The following ATP10A variants were observed in gnomAD, a reference collection of about 807,000 sequenced individuals.
The protein encoded by ATP10A is ATPase phospholipid transporting 10A (putative).
ATP10A carries 111 observed loss-of-function variants against 147.8 expected under a neutral mutation model. The ratio of observed to expected loss-of-function variants is 0.75; its 90% CI spans 0.64 to 0.88. ATP10A has a LOEUF of 0.88. Ranked by LOEUF, ATP10A falls within the 40% of genes least tolerant of loss-of-function variation. ATP10A has a pLI of 0.00. For missense variants in ATP10A, 1,927 were observed against 1,959.0 expected (o/e 0.98, Z 0.31); for synonymous variants, 875 against 841.6 (o/e 1.04, Z -0.69).
At position 25,846,117 on chromosome 15, in the gene ATP10A, G is replaced by C. The variant is rs375109507; in HGVS notation, c.449+16531C>G. Among the ~76,000 whole-genome samples, 61 of 152,258 alleles carry C rather than the reference G, an allele frequency of 4.0e-4. No homozygotes were observed. The East Asian group carries it at 0.01, about 26-fold the overall frequency. On this transcript the variant is annotated intron_variant, in intron 1 of 20. Coordinates refer to ENST00000555815, the MANE Select transcript of ATP10A (RefSeq NM_024490.4). The stretch of plus-strand genomic sequence containing the variant: ...CACCCAGGGCAGTCCACTTCGTAGA[G>C]GCTGAATGCAGAACGGTTGTTGCCA...
intron 3 of ATP10A, among the ~76,000 whole-genome samples, chr15:25,735,021 G>C (rs1026630951): frequency 7.0e-5 from 9 of 129,090 alleles, no homozygotes; most frequent in African/African-American, 2.6e-4. Flanking sequence ...GGGTGGGGGG[G>C]TGGGGGAAGT....
At chr15:25,756,302 T>C (rs1223918780) in intron 2 of ATP10A, among the ~76,000 whole-genome samples, 1 of 152,256 alleles carries the variant, frequency 6.6e-6, no homozygotes, top group African/African-American at 2.4e-5. Flanking sequence ...GTGTATGTGA[T>C]ATTTCTCTGC....
chr15:25,812,266 G>A (rs1891467033), intron 1 of ATP10A, among the ~76,000 whole-genome samples: 1 of 152,150 alleles, frequency 6.6e-6, no homozygotes, highest in African/African-American at 2.4e-5. Context: ...TCAGGAAACA[G>A]GAACCTCTCA....
At chr15:25,787,787 A>C (rs1277089129) in intron 1 of ATP10A, among the ~76,000 whole-genome samples, 2 of 152,092 alleles carry the variant, frequency 1.3e-5, no homozygotes. Context: ...CTTGTCCAAG[A>C]TCAGGAGTCA....
chr15:25,738,333 C>T (rs541096028), intron 2 of ATP10A, among the ~76,000 whole-genome samples: 1 of 152,308 alleles, frequency 6.6e-6, no homozygotes, highest in East Asian at 1.9e-4. Context: ...ACACTAACTC[C>T]ATTCTTCTTA....
chr15:25,780,642 G>A (rs1265118878), intron 2 of ATP10A, among the ~76,000 whole-genome samples: 5 of 152,188 alleles, frequency 3.3e-5, no homozygotes, highest in Admixed American at 1.3e-4. Context: ...ATGTTCCTGA[G>A]CATCCTGGTG....
chr15:25,685,157 T>C (rs1899641517), intron 16 of ATP10A, among the ~76,000 whole-genome samples: 1 of 152,190 alleles, frequency 6.6e-6, no homozygotes, highest in Admixed American at 6.5e-5. Flanking sequence ...CCACTGTTGT[T>C]ATGGAAACCT....
chr15:25,718,142 A>G, intron 8 of ATP10A, 40 bp downstream of exon 8: 1 of 1,585,976 alleles, frequency 6.3e-7, no homozygotes, highest in Non-Finnish European at 8.6e-7. Flanking sequence ...AATGGGGAAG[A>G]GACGTGGCAG....
chr15:25,722,564 G>C (rs1567332949), intron 6 of ATP10A, among the ~76,000 whole-genome samples: 1 of 152,212 alleles, frequency 6.6e-6, no homozygotes, highest in East Asian at 1.9e-4. Flanking sequence ...AATGTTTACA[G>C]ACTCAGAATA....
chr15:25,784,241 A>G (rs4906769), intron 1 of ATP10A, among the ~76,000 whole-genome samples: 135,166 of 152,264 alleles, frequency 0.89, 60,484 homozygotes, highest in East Asian at 1. Flanking sequence ...GCCTATGCCC[A>G]AGCATCGGCG....
At chr15:25,740,283 G>C (rs1207880352) in intron 2 of ATP10A, among the ~76,000 whole-genome samples, 4 of 152,180 alleles carry the variant, frequency 2.6e-5, no homozygotes, top group Non-Finnish European at 5.9e-5. Flanking sequence ...AAAGTAAAGA[G>C]GTTCATATTG....
intron 1 of ATP10A, among the ~76,000 whole-genome samples, chr15:25,841,941 A>T (rs1892829674): frequency 6.6e-6 from 1 of 152,162 alleles, no homozygotes; most frequent in African/African-American, 2.4e-5. Context: ...TTTCAGTTGT[A>T]AGAGGTTTTG....
chr15:25,695,411 G>A (rs1179804972), intron 13 of ATP10A, among the ~76,000 whole-genome samples: 1 of 151,938 alleles, frequency 6.6e-6, no homozygotes, highest in Non-Finnish European at 1.5e-5. Context: ...GGTGGATCAC[G>A]AGGTCAGGAG....
rs189889152 is a variant in ATP10A, at chr15:25,783,505, C to A, written c.450-2282G>T. Among the ~76,000 whole-genome samples, 4 of 152,152 alleles carry A rather than the reference C, an allele frequency of 2.6e-5. No homozygotes were observed. The East Asian group carries it at 5.8e-4, about 22-fold the overall frequency. Reference sequence around the variant, plus strand: ...CCCCCCTGGCAAAGTTCCAGAGGCTCCTAGGAAACCATCGGCTGCCCTAGA... The same window carrying A: ...CCCCCCTGGCAAAGTTCCAGAGGCTACTAGGAAACCATCGGCTGCCCTAGA... On this transcript the variant is annotated intron_variant, in intron 1 of 20. Coordinates refer to ENST00000555815, the MANE Select transcript of ATP10A (RefSeq NM_024490.4).
At position 25,773,816 on chromosome 15, in the gene ATP10A, A is replaced by G. The variant is rs1889465186; in HGVS notation, c.654+7203T>C. On this transcript the variant is annotated intron_variant, in intron 2 of 20. Coordinates refer to ENST00000555815, the MANE Select transcript of ATP10A (RefSeq NM_024490.4). ...CTCACACAAACATACACACCTAAAC[A>G]TCCACACACACACACACACACACAC... is the stretch of plus-strand genomic sequence containing the variant. Among the ~76,000 whole-genome samples, 3 of 78,114 alleles carry G rather than the reference A, an allele frequency of 3.8e-5. No individual in the cohort carries two copies. In the South Asian group the frequency reaches 1.7e-3, roughly 45 times the overall value. 51.2% of individuals were successfully genotyped at this position (78,114 alleles called of 152,430 possible).
At chr15:25,729,983 C>T (rs1417288922) in intron 3 of ATP10A, among the ~76,000 whole-genome samples, 1 of 151,932 alleles carries the variant, frequency 6.6e-6, no homozygotes, top group Non-Finnish European at 1.5e-5. Context: ...GGAGGAGTGG[C>T]TGAGAGCAAG....
chr15:25,741,752 A>T (rs1298493791), intron 2 of ATP10A, among the ~76,000 whole-genome samples: 1 of 152,210 alleles, frequency 6.6e-6, no homozygotes, highest in East Asian at 1.9e-4. Context: ...TGTCAGGTGA[A>T]CATTTTCAAT....
chr15:25,684,346 G>C (rs77313447), intron 16 of ATP10A, among the ~76,000 whole-genome samples: 2 of 152,210 alleles, frequency 1.3e-5, no homozygotes, highest in Non-Finnish European at 2.9e-5. Context: ...GCTGGGCACA[G>C]AGCATGAACT....
chr15:25,777,985 A>C (rs912664986), intron 2 of ATP10A, among the ~76,000 whole-genome samples: 8 of 151,948 alleles, frequency 5.3e-5, no homozygotes, highest in Non-Finnish European at 8.8e-5. Context: ...TTGAGATATA[A>C]TTCACATATC....
Sources: allele counts gnomAD v4.1 joint callset (sites outside exome capture counted in the v4.1 genomes callset), GRCh38; gene constraint gnomAD v4.1.1; transcripts MANE v1.5; gene names NCBI Gene and HGNC (gene_info 2026-07-23, HGNC 2026-07-21).